The following PRPF8 variants were observed in gnomAD, a reference collection of about 807,000 sequenced individuals.
The protein encoded by PRPF8 is pre-mRNA-processing-splicing factor 8.
In PRPF8, 64 loss-of-function variants were observed where a neutral mutation model predicts 285.9. That is an observed-to-expected ratio of 0.22 (90% CI 0.18 to 0.28). The LOEUF is 0.28. PRPF8 is among the 10% of genes least tolerant of loss of function. PRPF8 has a pLI of 1.00. For synonymous variants in PRPF8, 1,325 were observed against 1,118.2 expected (o/e 1.18, Z -3.69); for missense variants, 1,426 against 3,026.7 (o/e 0.47, Z 12.41).
intron 24 of PRPF8, among the ~76,000 whole-genome samples, chr17:1,668,944 C>T (rs553235104): frequency 8.5e-5 from 13 of 152,242 alleles, no homozygotes; most frequent in Non-Finnish European, 1.9e-4. Flanking sequence ...AACTGCAGCC[C>T]AAGAAAAGCT....
chr17:1,677,320 A>G, intron 14 of PRPF8, 148 bp from the exon 15 acceptor site: 1 of 991,028 alleles, frequency 1.0e-6, no homozygotes, highest in Non-Finnish European at 1.6e-6. Context: ...CAAAAAGACG[A>G]GCTACCTTAA....
chr17:1,652,029 G>A, intron 39 of PRPF8: 1 of 606,602 alleles, frequency 1.6e-6, no homozygotes, highest in South Asian at 1.9e-5. Flanking sequence ...CTGCTCACAA[G>A]CTCCCCAGCT....
intron 34 of PRPF8, among the ~76,000 whole-genome samples, chr17:1,657,863 C>T (rs934269971): frequency 8.0e-5 from 12 of 149,298 alleles, no homozygotes; most frequent in African/African-American, 2.0e-4. Flanking sequence ...CCCAGCTACT[C>T]GGGAGGCTAA....
At chr17:1,667,597 G>A (rs1912066150) in intron 24 of PRPF8, among the ~76,000 whole-genome samples, 1 of 139,592 alleles carries the variant, frequency 7.2e-6, no homozygotes, top group Non-Finnish European at 1.5e-5. Context: ...AGGCTGGAGT[G>A]CAGTGGCGCA....
rs1911201975 is a variant in PRPF8, at chr17:1,653,696, AG to A, written c.6228-14del. 2 of 1,614,184 alleles carry A rather than the reference AG, an allele frequency of 1.2e-6. No individual in the cohort carries two copies. Among genetic ancestry groups the A allele is most frequent in the African/African-American group, 1.3e-5 (1 of 75,048 alleles). The stretch of plus-strand genomic sequence containing the variant: ...AGCAGAGATGGCCCTAAAAACAGGC[AG>A]GGAGTGTCAGCATCGCTCAGCCCAG... On this transcript the variant is annotated splice_polypyrimidine_tract_variant and intron_variant, in intron 38 of 42. Coordinates refer to ENST00000304992, the MANE Select transcript of PRPF8 (RefSeq NM_006445.4). The surrounding 1 kb of genome is among the most constrained non-coding windows in gnomAD (Gnocchi z 4.9).
In PRPF8 at chr17:1,659,912, G is replaced by A. The variant is rs747991107; in HGVS notation, c.4875C>T (p.Ser1625=). The A allele has an allele frequency of 6.2e-7, 1 of 1,614,096 alleles. No individual in the cohort carries two copies. Among genetic ancestry groups the A allele is most frequent in the Admixed American group, 1.7e-5 (1 of 60,014 alleles). The part of the protein sequence containing the change: ...HPRKSYKMNS[S]CADILLFASY... The stretch of plus-strand genomic sequence containing the variant: ...AGGCAAAGAGCAGGATATCTGCACA[G>A]GAAGAGTTCATCTTATATGACTTTC... The change falls in exon 31 of 43, where the codon TCC becomes TCT. Residue 1625 remains serine, a synonymous_variant. Transcript: ENST00000304992. The surrounding 1 kb of genome is among the most constrained non-coding windows in gnomAD (Gnocchi z 5.1).
In PRPF8 at chr17:1,675,584, C is replaced by A; in HGVS notation, c.2872+36G>T. The A allele has an allele frequency of 1.2e-6, 2 of 1,613,224 alleles. No homozygotes were observed. The highest frequency in any genetic ancestry group is 1.1e-5 in the South Asian group (1 of 91,072). On this transcript the variant is annotated intron_variant, in intron 19 of 42. Coordinates refer to ENST00000304992, the MANE Select transcript of PRPF8 (RefSeq NM_006445.4). The surrounding 1 kb of genome is among the most constrained non-coding windows in gnomAD (Gnocchi z 6.0). ...TTTTGACGTAGAACTAAATTCCTGCCCCGTTCCTCACAGGGCGATCTCATG... is the reference window on the plus strand; with the variant it reads ...TTTTGACGTAGAACTAAATTCCTGCACCGTTCCTCACAGGGCGATCTCATG...
rs140446903 is a variant in PRPF8, at chr17:1,660,543, C to A, written c.4674G>T (p.Thr1558=). Residue 1558 remains threonine, a synonymous_variant, in exon 30 of 43, where the codon ACG becomes ACT. Transcript: ENST00000304992. ...YVGFQVQLDL[T]GIFMHGKIPT... ...GGATCTTGCCGTGCATGAAGATACC[C>A]GTCAGGTCTAGCTGCACCTGAAAGC... 6.2e-7 allele frequency: 1 copy of A among 1,614,166 alleles called. No individual in the cohort carries two copies.
intron 13 of PRPF8, among the ~76,000 whole-genome samples, 169 bp from the exon 14 acceptor site, chr17:1,677,863 C>T (rs989489744): frequency 6.6e-6 from 1 of 151,972 alleles, no homozygotes; most frequent in Non-Finnish European, 1.5e-5. Flanking sequence ...ACATCTAAAA[C>T]AAAAGGGTAA....
In PRPF8 at chr17:1,655,862, G is replaced by A. The variant is rs141073887; in HGVS notation, c.5794-319C>T. ...AGGATGGTCTCAATCTCCTGACCTC[G>A]TGATCCGCCGCCTCGGCCTCCCAAA... On this transcript the variant is annotated intron_variant, in intron 36 of 42. Coordinates refer to ENST00000304992, the MANE Select transcript of PRPF8 (RefSeq NM_006445.4). Among the ~76,000 whole-genome samples the A allele has an allele frequency of 8.8e-3, 1,318 of 150,520 alleles. 25 individuals are homozygous for A. Among genetic ancestry groups the A allele is most frequent in the African/African-American group, 0.03 (1,240 of 40,860 alleles).
At chr17:1,669,254 C>G (rs1912172475) in intron 24 of PRPF8, among the ~76,000 whole-genome samples, 1 of 152,068 alleles carries the variant, frequency 6.6e-6, no homozygotes, top group African/African-American at 2.4e-5. Flanking sequence ...TTACAGGCAC[C>G]CGCCACCGCG....
intron 28 of PRPF8, 37 bp downstream of exon 28, chr17:1,660,956 G>A (rs1567679720): frequency 6.2e-7 from 1 of 1,612,998 alleles, no homozygotes; most frequent in African/African-American, 1.3e-5. Context: ...AGCTCAAAGG[G>A]TTGTGACAGG....
At position 1,684,539 on chromosome 17, in the gene PRPF8, A is replaced by C. The variant is rs1913131194; in HGVS notation, c.33T>G (p.Gly11=). The change falls in exon 2 of 43, where the codon GGT becomes GGG. Residue 11 remains glycine (G), a synonymous_variant. Coordinates refer to ENST00000304992, the MANE Select transcript of PRPF8 (RefSeq NM_006445.4). ...GGGCTAGAGGGCCAGGCACCGGGTTACCCGGCCCTCGATAAGGAAACACTC... is the reference window on the plus strand; with the variant it reads ...GGGCTAGAGGGCCAGGCACCGGGTTCCCCGGCCCTCGATAAGGAAACACTC... MAGVFPYRGP[G]NPVPGPLAPL... 2 of 1,612,378 alleles carry C rather than the reference A, an allele frequency of 1.2e-6. No homozygotes were observed. The highest frequency in any genetic ancestry group is 1.7e-6 in the Non-Finnish European group (2 of 1,179,858).
chr17:1,684,267 T>C (rs1913104759), intron 2 of PRPF8, among the ~76,000 whole-genome samples: 1 of 152,236 alleles, frequency 6.6e-6, no homozygotes, highest in South Asian at 2.1e-4. Flanking sequence ...AGGACAGGAA[T>C]TTTGTCTCCG....
At chr17:1,681,795 T>G in intron 5 of PRPF8, 25 bp downstream of exon 5, 9 of 1,612,996 alleles carry the variant, frequency 5.6e-6, no homozygotes, top group Non-Finnish European at 7.6e-6. Context: ...TCCTCCCAGG[T>G]GTAGTATCTC....
chr17:1,684,430 C>A, intron 2 of PRPF8, 42 bp downstream of exon 2: 1 of 1,607,860 alleles, frequency 6.2e-7, no homozygotes, highest in South Asian at 1.1e-5. Flanking sequence ...CGCACACCCG[C>A]CCCGCCTCCG....
rs1234972266 is a variant in PRPF8 at position 1,673,029 on chromosome 17, GAGCAGAGGAC to G, written c.3774+42_3774+51del. ...GGACGAAGTGAAAGGGGTGTGAAAT[GAGCAGAGGAC>G]AGCAGAGGACAAGAGGGAAGCTGGG... On this transcript the variant is annotated intron_variant, in intron 24 of 42. Coordinates refer to ENST00000304992, the MANE Select transcript of PRPF8 (RefSeq NM_006445.4). The surrounding 1 kb of genome is among the most constrained non-coding windows in gnomAD (Gnocchi z 5.5). 7.2e-6 allele frequency: 11 copies of G among 1,526,662 alleles called. No homozygotes were observed. Among genetic ancestry groups the G allele is most frequent in the Admixed American group, 5.0e-5 (3 of 59,892 alleles). The allele number at this position is 1,526,662 out of a possible 1,614,324, so 94.6% of individuals were successfully genotyped here.
At position 1,653,697 on chromosome 17, in the gene PRPF8, G is replaced by A; in HGVS notation, c.6228-14C>T. 1 of 1,614,168 alleles carries A rather than the reference G, an allele frequency of 6.2e-7. No homozygotes were observed. Among genetic ancestry groups the A allele is most frequent in the Non-Finnish European group, 8.5e-7 (1 of 1,180,034 alleles). On this transcript the variant is annotated splice_polypyrimidine_tract_variant and intron_variant, in intron 38 of 42. Coordinates refer to ENST00000304992, the MANE Select transcript of PRPF8 (RefSeq NM_006445.4). This position sits in a 1 kb window ranked among gnomAD's most constrained non-coding sequence, Gnocchi z 4.9. ...GCAGAGATGGCCCTAAAAACAGGCAGGGAGTGTCAGCATCGCTCAGCCCAG... is the reference window on the plus strand; with the variant it reads ...GCAGAGATGGCCCTAAAAACAGGCAAGGAGTGTCAGCATCGCTCAGCCCAG...
rs747947061 is a variant in PRPF8, at chr17:1,659,599, G to A, written c.4947-51C>T. Reference sequence around the variant, plus strand: ...CTAAGAAACCATGGGCATAACCAATGTCCCCAGAACCAGAACCACTTAAAT... The same window carrying A: ...CTAAGAAACCATGGGCATAACCAATATCCCCAGAACCAGAACCACTTAAAT... On this transcript the variant is annotated intron_variant, in intron 31 of 42. Coordinates refer to ENST00000304992, the MANE Select transcript of PRPF8 (RefSeq NM_006445.4). The surrounding 1 kb of genome is among the most constrained non-coding windows in gnomAD (Gnocchi z 5.1). 7 of 1,603,722 alleles carry A rather than the reference G, an allele frequency of 4.4e-6. No homozygotes were observed. The highest frequency in any genetic ancestry group is 4.0e-5 in the African/African-American group (3 of 74,700).
Sources: gnomAD v4.1 joint callset for allele counts (sites outside exome capture counted in the v4.1 genomes callset) on GRCh38, gnomAD v4.1.1 for gene constraint, Gnocchi (gnomAD v3.1) non-coding constraint, MANE v1.5 for transcripts, NCBI Gene and HGNC (gene_info 2026-07-23, HGNC 2026-07-21) for gene names.